Variants in APBB1IP observed in about 807,000 individuals in gnomAD.
APBB1IP encodes amyloid beta A4 precursor protein-binding family B member 1-interacting protein.
In APBB1IP, 27 loss-of-function variants were observed where a neutral mutation model predicts 64.9. The ratio of observed to expected loss-of-function variants is 0.42; its 90% CI spans 0.31 to 0.57. APBB1IP has a LOEUF of 0.57. Ranked by LOEUF, APBB1IP falls within the 20% of genes least tolerant of loss-of-function variation. APBB1IP has a pLI of 0.20. For synonymous variants in APBB1IP, 392 were observed against 331.0 expected, an observed-to-expected ratio of 1.18 and a Z score of -2.00; for missense variants, 812 against 845.5, an observed-to-expected ratio of 0.96 and a Z score of 0.49.
At chr10:26,474,727 CCTT>C (rs1441538226) in intron 2 of APBB1IP, among the ~76,000 whole-genome samples, 1 of 152,224 alleles carries the variant, frequency 6.6e-6, no homozygotes, top group African/African-American at 2.4e-5. Flanking sequence ...CCCACTTCCT[CCTT>C]CTCCATTTCC....
rs769440296 is a variant in APBB1IP, at chr10:26,449,379, A to G, written c.-1+10526A>G. Among the ~76,000 whole-genome samples, 6 of 152,068 alleles carry G rather than the reference A, an allele frequency of 3.9e-5. No individual in the cohort carries two copies. In the South Asian group the frequency reaches 6.2e-4, roughly 16 times the overall value. On this transcript the variant is annotated intron_variant, in intron 2 of 14. Coordinates refer to ENST00000376236, the MANE Select transcript of APBB1IP (RefSeq NM_019043.4). ...TTTTTTTTTCCACTGCTGGTTTTAG[A>G]GGGAAAACACAATAATAAAAATGAT...
intron 6 of APBB1IP, 115 bp from the exon 7 acceptor site, chr10:26,511,632 C>A: frequency 7.9e-7 from 1 of 1,272,086 alleles, no homozygotes; most frequent in Non-Finnish European, 1.1e-6. Flanking sequence ...GGAGCAAGTT[C>A]ACCAAACACA....
At chr10:26,522,188 G>T (rs750812206) in intron 8 of APBB1IP, among the ~76,000 whole-genome samples, 1 of 133,450 alleles carries the variant, frequency 7.5e-6, no homozygotes, top group Non-Finnish European at 1.6e-5. Flanking sequence ...AGAAGCACAT[G>T]AATAAGTTTT....
intron 2 of APBB1IP, among the ~76,000 whole-genome samples, chr10:26,481,333 C>T (rs1835832207): frequency 6.6e-6 from 1 of 152,096 alleles, no homozygotes; most frequent in Non-Finnish European, 1.5e-5. Flanking sequence ...AGAGTGTCCC[C>T]ACCTTGTCCC....
chr10:26,465,476 G>A (rs1835638085), intron 2 of APBB1IP, among the ~76,000 whole-genome samples: 2 of 152,074 alleles, frequency 1.3e-5, no homozygotes, highest in South Asian at 4.2e-4. Flanking sequence ...TATATTATGT[G>A]TCATAATGAT....
intron 6 of APBB1IP, among the ~76,000 whole-genome samples, chr10:26,504,083 G>A (rs1396515630): frequency 6.6e-6 from 1 of 152,178 alleles, no homozygotes; most frequent in Non-Finnish European, 1.5e-5. Flanking sequence ...ATGCCTAACT[G>A]GGTCAGAGCT....
At chr10:26,475,487 G>T (rs1473185410) in intron 2 of APBB1IP, among the ~76,000 whole-genome samples, 1 of 152,136 alleles carries the variant, frequency 6.6e-6, no homozygotes, top group East Asian at 1.9e-4. Context: ...CTAAGTGTGT[G>T]TTCCACCTGT....
intron 2 of APBB1IP, among the ~76,000 whole-genome samples, chr10:26,471,034 T>C (rs1282299310): frequency 1.3e-5 from 2 of 152,156 alleles, no homozygotes; most frequent in Admixed American, 6.5e-5. Flanking sequence ...CATTAACTTA[T>C]CGAATTCTCA....
At chr10:26,544,536 G>A (rs923973925) in intron 11 of APBB1IP, among the ~76,000 whole-genome samples, 1 of 152,134 alleles carries the variant, frequency 6.6e-6, no homozygotes, top group Admixed American at 6.5e-5. Flanking sequence ...GGCTTAGCTG[G>A]TGATTAAATG....
At chr10:26,496,196 A>G in intron 3 of APBB1IP, 108 bp from the exon 4 acceptor site, 10 of 793,542 alleles carry the variant, frequency 1.3e-5, no homozygotes, top group Non-Finnish European at 2.1e-5. Context: ...AGAACACACT[A>G]AGGGAGAAAA....
In APBB1IP at chr10:26,501,015, T is replaced by C; in HGVS notation, c.357T>C (p.Thr119=). Residue 119 remains threonine, a synonymous_variant, in exon 5 of 15, where the codon ACT becomes ACC. Transcript: ENST00000376236. ...GTTATGGAACAAATGTTGCTGCCAC[T>C]GGTATCAGCCAATATGAGGATGACT... is the stretch of plus-strand genomic sequence containing the variant. ...SLGYGTNVAA[T]GISQYEDDLP... The C allele has an allele frequency of 1.2e-6, 2 of 1,614,232 alleles. No individual in the cohort carries two copies. The highest frequency in any genetic ancestry group is 1.7e-6 in the Non-Finnish European group (2 of 1,180,034).
At position 26,562,368 on chromosome 10, in the gene APBB1IP, A is replaced by C. The variant is rs1215418955; in HGVS notation, c.1412A>C (p.Gln471Pro). The change falls in exon 14 of 15, where the codon CAG (glutamine) becomes CCG (proline). Residue 471 changes from glutamine to proline, a missense_variant. Gln to Pro is a moderately conservative substitution (Grantham distance 76). Transcript: ENST00000376236. ...ACCCAGCCCAATGGACAGATTCCCC[A>C]GGCTACACATTCTGTCAGTGCTGTT... is the stretch of plus-strand genomic sequence containing the variant. ...GTTQPNGQIP[Q>P]ATHSVSAVLQ... is the part of the protein sequence containing the mutation. 6.2e-7 allele frequency: 1 copy of C among 1,614,026 alleles called. No homozygotes were observed. The highest frequency in any genetic ancestry group is 8.5e-7 in the Non-Finnish European group (1 of 1,179,934).
intron 5 of APBB1IP, among the ~76,000 whole-genome samples, chr10:26,502,166 C>T (rs1002671569): frequency 6.6e-6 from 1 of 152,144 alleles, no homozygotes; most frequent in Non-Finnish European, 1.5e-5. Context: ...AAGATACATG[C>T]CTATATTCAA....
At chr10:26,449,505 A>G (rs892096064) in intron 2 of APBB1IP, among the ~76,000 whole-genome samples, 2 of 152,190 alleles carry the variant, frequency 1.3e-5, no homozygotes, top group African/African-American at 2.4e-5. Flanking sequence ...CCTCATCCCT[A>G]TGAAGCAGGA....
chr10:26,469,263 T>C (rs796524952), intron 2 of APBB1IP, among the ~76,000 whole-genome samples: 23 of 141,316 alleles, frequency 1.6e-4, no homozygotes, highest in Non-Finnish European at 2.7e-4. Flanking sequence ...CTTTTCTTTT[T>C]TTTTTTTTTT....
At chr10:26,511,595 G>A in intron 6 of APBB1IP, 152 bp from the exon 7 acceptor site, 1 of 832,126 alleles carries the variant, frequency 1.2e-6, no homozygotes, top group Non-Finnish European at 1.8e-6. Context: ...CCTAAAACAA[G>A]TGCTTGGCAT....
chr10:26,472,128 C>A (rs996968599), intron 2 of APBB1IP, among the ~76,000 whole-genome samples: 2 of 152,164 alleles, frequency 1.3e-5, no homozygotes, highest in Non-Finnish European at 2.9e-5. Context: ...GAAAATCCCT[C>A]ACCCCACAGA....
At chr10:26,562,219 A>G (rs1836982205) in intron 13 of APBB1IP, 107 bp from the exon 14 acceptor site, 7 of 819,612 alleles carry the variant, frequency 8.5e-6, no homozygotes, top group East Asian at 2.5e-5. Context: ...GCCAACAAGT[A>G]TCTTTCTTTG....
At chr10:26,507,036 C>T (rs1476769966) in intron 6 of APBB1IP, among the ~76,000 whole-genome samples, 5 of 151,976 alleles carry the variant, frequency 3.3e-5, no homozygotes, top group African/African-American at 1.2e-4. Flanking sequence ...CAAGAATCAG[C>T]TCGGGGAGGT....
Sources: gnomAD v4.1 joint callset for allele counts (sites outside exome capture counted in the v4.1 genomes callset) on GRCh38, gnomAD v4.1.1 for gene constraint, MANE v1.5 for transcripts, NCBI Gene and HGNC (gene_info 2026-07-23, HGNC 2026-07-21) for gene names.